MYO1B: variants seen among roughly 807,000 people sequenced by gnomAD.
MYO1B encodes myosin IB.
A neutral mutation model predicts 159.7 loss-of-function variants in MYO1B; 72 were observed. That is an observed-to-expected ratio of 0.45 (90% confidence interval 0.37 to 0.55). MYO1B has a LOEUF of 0.55. Ranked by LOEUF, MYO1B falls within the 20% of genes least tolerant of loss-of-function variation. The pLI, the probability that MYO1B is intolerant of heterozygous loss-of-function variation, is 0.00. For synonymous variants in MYO1B, 468 were observed against 473.8 expected (o/e 0.99, Z 0.16); for missense variants, 1,062 against 1,364.8 (o/e 0.78, Z 3.50).
At chr2:191,258,520 C>T (rs1441377161) in intron 1 of MYO1B, among the ~76,000 whole-genome samples, 3 of 152,166 alleles carry the variant, frequency 2.0e-5, no homozygotes, top group African/African-American at 7.2e-5. Context: ...TGCATCATGA[C>T]GTCACTAGTC....
rs774277719 is a variant in MYO1B at position 191,393,175 on chromosome 2, A to G, written c.2179A>G (p.Met727Val). The change falls in exon 20 of 31, where the codon ATG becomes GTG. Residue 727 changes from methionine to valine, a missense_variant. Met to Val is a conservative substitution (Grantham distance 21). This residue lies in a region of MYO1B where 609 missense variants were observed against 744.4 expected (regional missense o/e 0.82). Coordinates refer to ENST00000392318, the MANE Select transcript of MYO1B (RefSeq NM_001130158.3). ...GWKCRTHFLL[M>V]KKSQIVIAAW... ...GAAATGCCGCACACACTTCCTGCTA[A>G]TGAAAAAAAGCCAAATTGTGATTGC... 4.3e-6 allele frequency: 7 copies of G among 1,613,996 alleles called. No individual in the cohort carries two copies. In the Admixed American group the frequency reaches 6.7e-5, roughly 15 times the overall value.
At chr2:191,341,440 A>G in intron 4 of MYO1B, 21 bp from the exon 5 acceptor site, 1 of 1,599,872 alleles carries the variant, frequency 6.3e-7, no homozygotes. Context: ...ATTGATTAAT[A>G]TGGCTTATTT....
chr2:191,376,779 A>G (rs1694739114), intron 13 of MYO1B, among the ~76,000 whole-genome samples: 1 of 152,196 alleles, frequency 6.6e-6, no homozygotes, highest in Non-Finnish European at 1.5e-5. Context: ...ATACAGAGGG[A>G]CAGAGCTGCC....
In MYO1B at chr2:191,341,448, T is replaced by C. The variant is rs762262572; in HGVS notation, c.347-13T>C. The C allele has an allele frequency of 2.5e-6, 4 of 1,609,154 alleles. No individual in the cohort carries two copies. Among genetic ancestry groups the C allele is most frequent in the Admixed American group, 3.4e-5 (2 of 59,284 alleles). On this transcript the variant is annotated splice_polypyrimidine_tract_variant and intron_variant, in intron 4 of 30. Coordinates refer to ENST00000392318, the MANE Select transcript of MYO1B (RefSeq NM_001130158.3). ...CTGTGTTATTGATTAATATGGCTTATTTTCATCCACAGAGGCCAGTAAGCT... is the reference window on the plus strand; with the variant it reads ...CTGTGTTATTGATTAATATGGCTTACTTTCATCCACAGAGGCCAGTAAGCT...
intron 3 of MYO1B, among the ~76,000 whole-genome samples, chr2:191,320,096 A>G (rs1690604859): frequency 6.6e-6 from 1 of 152,148 alleles, no homozygotes; most frequent in Non-Finnish European, 1.5e-5. Flanking sequence ...GAAAAGCAAA[A>G]TTTTAATCAC....
At chr2:191,246,506 T>C (rs1344249935) in intron 1 of MYO1B, 1 of 152,026 alleles carries the variant, frequency 6.6e-6, no homozygotes, top group Non-Finnish European at 1.5e-5. Flanking sequence ...GCGTTCCCAA[T>C]GTTAGATTGC....
In MYO1B at chr2:191,346,038, A is replaced by G. The variant is rs930487322; in HGVS notation, c.452-198A>G. On this transcript the variant is annotated intron_variant, in intron 5 of 30. Coordinates refer to ENST00000392318, the MANE Select transcript of MYO1B (RefSeq NM_001130158.3). Reference sequence around the variant, plus strand: ...ATAGGAATGATTCTCTTTTTCTATGAACTTGTAAGACATGGAAGCTTTAGC... The same window carrying G: ...ATAGGAATGATTCTCTTTTTCTATGGACTTGTAAGACATGGAAGCTTTAGC... Among the ~76,000 whole-genome samples the G allele has an allele frequency of 4.6e-5, 7 of 152,226 alleles. No homozygotes were observed. In the East Asian group the frequency reaches 1.3e-3, roughly 29 times the overall value.
intron 3 of MYO1B, among the ~76,000 whole-genome samples, chr2:191,325,606 A>G (rs1053285103): frequency 1.3e-5 from 2 of 152,136 alleles, no homozygotes; most frequent in South Asian, 4.1e-4. Flanking sequence ...CTTTGGATGT[A>G]TTTCGGTGTC....
chr2:191,374,752 C>T (rs1694593498), intron 13 of MYO1B, among the ~76,000 whole-genome samples: 1 of 152,128 alleles, frequency 6.6e-6, no homozygotes. Context: ...AGCTGTACAT[C>T]CTGGTAGAAC....
At position 191,329,919 on chromosome 2, in the gene MYO1B, C is replaced by T; in HGVS notation, c.252-16C>T. On this transcript the variant is annotated splice_polypyrimidine_tract_variant and intron_variant, in intron 3 of 30. Transcript: ENST00000392318. ...GATCTGAAGTCTAAGGAATTTTTTTCCATTATCCCCTGCAGCTTTGCCCTT... is the reference window on the plus strand; with the variant it reads ...GATCTGAAGTCTAAGGAATTTTTTTTCATTATCCCCTGCAGCTTTGCCCTT... The T allele has an allele frequency of 6.3e-7, 1 of 1,598,506 alleles. No individual in the cohort carries two copies. Among genetic ancestry groups the T allele is most frequent in the Middle Eastern group, 1.7e-4 (1 of 5,968 alleles).
chr2:191,290,859 T>G (rs777823278), intron 2 of MYO1B, among the ~76,000 whole-genome samples: 20 of 152,132 alleles, frequency 1.3e-4, no homozygotes, highest in Non-Finnish European at 2.5e-4. Flanking sequence ...ATAGGAGTAT[T>G]TAAAGGGGAA....
chr2:191,325,951 G>A (rs1417539435), intron 3 of MYO1B, among the ~76,000 whole-genome samples: 1 of 152,132 alleles, frequency 6.6e-6, no homozygotes, highest in Non-Finnish European at 1.5e-5. Context: ...GAACAGCCGT[G>A]TAGCTGATCT....
At chr2:191,376,922 G>A (rs1460948545) in intron 13 of MYO1B, among the ~76,000 whole-genome samples, 2 of 152,140 alleles carry the variant, frequency 1.3e-5, no homozygotes, top group South Asian at 2.1e-4. Flanking sequence ...ATACAAAGGG[G>A]CCAGTATTTT....
At position 191,404,072 on chromosome 2, in the gene MYO1B, TA is replaced by T. The variant is rs1346665200; in HGVS notation, c.2556+1356del. ...ATATAACCAGTATTATTGTATGAAA[TA>T]AGATCAAACTTACTTGAAGTCCAAG... is the stretch of plus-strand genomic sequence containing the variant. On this transcript the variant is annotated intron_variant, in intron 24 of 30. Coordinates refer to ENST00000392318, the MANE Select transcript of MYO1B (RefSeq NM_001130158.3). Among the ~76,000 whole-genome samples the T allele has an allele frequency of 7.9e-5, 12 of 152,332 alleles. No homozygotes were observed. The South Asian group carries it at 2.3e-3, about 29-fold the overall frequency.
At chr2:191,319,771 T>C (rs556737909) in intron 3 of MYO1B, among the ~76,000 whole-genome samples, 97 of 152,260 alleles carry the variant, frequency 6.4e-4, no homozygotes, top group Non-Finnish European at 1.2e-3. Context: ...ACCATAGTTT[T>C]GGGGGACAGA....
chr2:191,366,274 C>G (rs1053856602), intron 11 of MYO1B, among the ~76,000 whole-genome samples: 1 of 152,126 alleles, frequency 6.6e-6, no homozygotes, highest in East Asian at 1.9e-4. Context: ...ACTTTATAAG[C>G]TTATTTTAGT....
chr2:191,279,041 C>G (rs994852914), intron 2 of MYO1B, among the ~76,000 whole-genome samples: 3 of 152,150 alleles, frequency 2.0e-5, no homozygotes, highest in Non-Finnish European at 4.4e-5. Context: ...TAACAAAATG[C>G]CAAGTGTTAA....
chr2:191,285,255 A>C (rs1001798408), intron 2 of MYO1B, among the ~76,000 whole-genome samples: 1 of 152,210 alleles, frequency 6.6e-6, no homozygotes, highest in African/African-American at 2.4e-5. Context: ...ATCCTGCTCT[A>C]AAATAAAGAC....
At chr2:191,341,669 G>T in intron 5 of MYO1B, 104 bp downstream of exon 5, 1 of 827,846 alleles carries the variant, frequency 1.2e-6, no homozygotes. Context: ...TGGGAGGGAA[G>T]AGGAAGGAAG....
Sources: gnomAD v4.1 joint callset for allele counts (sites outside exome capture counted in the v4.1 genomes callset) on GRCh38, gnomAD v4.1.1 for gene constraint, gnomAD v4.1.1 regional missense constraint, MANE v1.5 for transcripts, NCBI Gene and HGNC (gene_info 2026-07-23, HGNC 2026-07-21) for gene names.